The following TIAM2 variants were observed in gnomAD, a reference collection of about 807,000 sequenced individuals.
The protein encoded by TIAM2 is rho guanine nucleotide exchange factor TIAM2.
A neutral mutation model predicts 152.9 loss-of-function variants in TIAM2; 80 were observed. That is an observed-to-expected ratio of 0.52 (90% CI 0.44 to 0.63). The LOEUF (loss-of-function observed/expected upper bound fraction) is 0.63, where lower values mean the gene tolerates loss of function less well. Ranked by LOEUF, TIAM2 falls within the 30% of genes least tolerant of loss-of-function variation. The pLI is 0.00. For missense variants in TIAM2, 1,965 were observed against 2,120.1 expected, an observed-to-expected ratio of 0.93 and a Z score of 1.44; for synonymous variants, 804 against 838.0, an observed-to-expected ratio of 0.96 and a Z score of 0.70.
chr6:155,256,374 T>TATCA (rs1784025423), intron 26 of TIAM2, 110 bp from the exon 27 acceptor site: 9 of 1,483,718 alleles, frequency 6.1e-6, no homozygotes, highest in Non-Finnish European at 2.7e-6. Context: ...ACTGAAGTCA[T>TATCA]ATCATAAAAT....
intron 1 of TIAM2, among the ~76,000 whole-genome samples, chr6:155,008,171 T>G (rs1778429577): frequency 6.6e-6 from 1 of 152,234 alleles, no homozygotes; most frequent in Non-Finnish European, 1.5e-5. Context: ...TTTCAAGATA[T>G]AAAAGTACAT....
intron 1 of TIAM2, among the ~76,000 whole-genome samples, chr6:155,072,633 T>A (rs1428533394): frequency 2.0e-5 from 3 of 152,052 alleles, no homozygotes; most frequent in Admixed American, 2.0e-4. Context: ...AGGTGGTACA[T>A]CTGGTAGGTG....
rs866198595 is a variant in TIAM2, at chr6:155,029,410, A to C, written c.-209+33918A>C. On this transcript the variant is annotated intron_variant, in intron 1 of 26. Transcript: ENST00000682666. ...TTATATATATACTATAGTATATATA[A>C]TATATACTATATATACTATAGTATA... Among the ~76,000 whole-genome samples the C allele has an allele frequency of 2.6e-4, 22 of 83,196 alleles. 1 individual carries two copies. The highest frequency in any genetic ancestry group is 3.3e-4 in the African/African-American group (7 of 21,140). The allele number at this position is 83,196 out of a possible 152,430, so 54.6% of individuals were successfully genotyped here.
intron 3 of TIAM2, 55 bp downstream of exon 3, chr6:155,127,655 G>A: frequency 2.2e-6 from 1 of 451,820 alleles, no homozygotes; most frequent in Non-Finnish European, 4.4e-6. Context: ...CTGTGATTAA[G>A]GTAATAAGTA....
At chr6:155,210,477 C>G (rs1781693716) in intron 14 of TIAM2, among the ~76,000 whole-genome samples, 1 of 151,674 alleles carries the variant, frequency 6.6e-6, no homozygotes, top group Admixed American at 6.6e-5. Flanking sequence ...TACCACCATG[C>G]CTGATTGTGT....
chr6:155,217,294 A>G lies in TIAM2; in HGVS notation c.3168+5987A>G, dbSNP rs539538499. On this transcript the variant is annotated intron_variant, in intron 15 of 26. Transcript: ENST00000682666. ...CATGCTTTTTACAGCTAAGGATAAG[A>G]GAACTTCTTTTGGATACCCGTTCTG... Among the ~76,000 whole-genome samples, 71 of 152,336 alleles carry G rather than the reference A, an allele frequency of 4.7e-4. No individual in the cohort carries two copies. In the South Asian group the frequency reaches 0.015, roughly 32 times the overall value.
Position 155,253,054 on chromosome 6 carries a change from G to A in TIAM2, c.4225+1G>A. ...CAAGTCAGACTGGGGAATCCAGCAG[G>A]TAACTGTTTCGTGCAGTATGATGCC... On this transcript the variant is annotated splice_donor_variant, in intron 24 of 26. Transcript: ENST00000682666. LOFTEE classifies it high-confidence loss of function. 6.2e-7 allele frequency: 1 copy of A among 1,613,474 alleles called. No homozygotes were observed. Among genetic ancestry groups the A allele is most frequent in the Non-Finnish European group, 8.5e-7 (1 of 1,179,486 alleles).
rs767646643 is a variant in TIAM2, at chr6:155,240,621, C to T, written c.3260C>T (p.Pro1087Leu). 2.7e-5 allele frequency: 44 copies of T among 1,614,054 alleles called. No homozygotes were observed. Among genetic ancestry groups the T allele is most frequent in the South Asian group, 5.5e-5 (5 of 91,096 alleles). Residue 1087 changes from proline to leucine, a missense_variant, in exon 16 of 27, where the codon CCG (proline) becomes CTG (leucine). Transcript: ENST00000682666. The stretch of plus-strand genomic sequence containing the variant: ...CCGCGGGAGAATCAGGATCCTCCTC[C>T]GAGGTCTCTGGCCCGCCACCTGTCT... ...EGPRENQDPP[P>L]RSLARHLSDA...
chr6:155,256,360 G>GCTAA (rs1784024205), intron 26 of TIAM2, 124 bp from the exon 27 acceptor site: 3 of 1,404,908 alleles, frequency 2.1e-6, no homozygotes, highest in South Asian at 2.8e-5. Flanking sequence ...CAGGATAGTT[G>GCTAA]CTAACTGAAG....
At chr6:155,050,253 T>A (rs973812293) in intron 1 of TIAM2, among the ~76,000 whole-genome samples, 3 of 152,160 alleles carry the variant, frequency 2.0e-5, no homozygotes, top group African/African-American at 4.8e-5. Context: ...GCTGGTCTCG[T>A]GACCTCAAGT....
rs1039009966 is a variant in TIAM2, at chr6:155,213,818, C to T, written c.3168+2511C>T. On this transcript the variant is annotated intron_variant, in intron 15 of 26. Transcript: ENST00000682666. This position sits in a 1 kb window ranked among gnomAD's most constrained non-coding sequence, Gnocchi z 4.2. The stretch of plus-strand genomic sequence containing the variant: ...GTACAGCAGGGGGCTGGCATGTCAG[C>T]GCTGCCCTGAACGTGTCCACACATG... Among the ~76,000 whole-genome samples the T allele has an allele frequency of 6.6e-5, 10 of 152,328 alleles. No homozygotes were observed. Among genetic ancestry groups the T allele is most frequent in the East Asian group, 5.8e-4 (3 of 5,174 alleles).
intron 9 of TIAM2, among the ~76,000 whole-genome samples, chr6:155,169,844 A>C (rs6917640): frequency 4.6e-5 from 7 of 151,310 alleles, no homozygotes; most frequent in African/African-American, 1.7e-4. Flanking sequence ...TTTCAGATGG[A>C]GTCTCACTCT....
At position 154,997,605 on chromosome 6, in the gene TIAM2, C is replaced by T. The variant is rs34656449; in HGVS notation, c.-209+2113C>T. Among the ~76,000 whole-genome samples, 82 of 149,002 alleles carry T rather than the reference C, an allele frequency of 5.5e-4. No homozygotes were observed. In the South Asian group the frequency reaches 0.012, roughly 22 times the overall value. Reference sequence around the variant, plus strand: ...GAGCTCAGTTAAGGTTCCTAGGTTCCGTGAACGAGTGAAGAAAGAATGGAT... The same window carrying T: ...GAGCTCAGTTAAGGTTCCTAGGTTCTGTGAACGAGTGAAGAAAGAATGGAT... On this transcript the variant is annotated intron_variant, in intron 1 of 26. Transcript: ENST00000682666.
At chr6:155,152,994 C>G (rs894106610) in intron 7 of TIAM2, among the ~76,000 whole-genome samples, 1 of 151,930 alleles carries the variant, frequency 6.6e-6, no homozygotes, top group Non-Finnish European at 1.5e-5. Flanking sequence ...GAACATAAAC[C>G]CTTACATAAA....
intron 7 of TIAM2, among the ~76,000 whole-genome samples, chr6:155,150,786 TGAG>T (rs1341057533): frequency 6.6e-6 from 1 of 152,096 alleles, no homozygotes. Flanking sequence ...TAGCATGACA[TGAG>T]GAGCGAGGGA....
rs189430669 is a variant in TIAM2 at position 155,065,130 on chromosome 6, T to G, written c.-208-25159T>G. 4.6e-5 allele frequency among the ~76,000 whole-genome samples: 7 copies of G among 152,214 alleles called. No homozygotes were observed. The East Asian group carries it at 1.4e-3, about 30-fold the overall frequency. On this transcript the variant is annotated intron_variant, in intron 1 of 26. Coordinates refer to ENST00000682666, the MANE Select transcript of TIAM2 (RefSeq NM_012454.4). ...CACCACGCCCGGCTGATTTTTGTAC[T>G]CTTAGTAGAGATGGGGTTTCACCGT...
chr6:155,179,565 T>C, intron 12 of TIAM2, 109 bp downstream of exon 12: 2 of 946,964 alleles, frequency 2.1e-6, no homozygotes, highest in Non-Finnish European at 3.2e-6. Flanking sequence ...ATTTTCAGAA[T>C]ATATGACAGT....
Position 155,182,305 on chromosome 6 carries a change from G to A in TIAM2, c.2787G>A (p.Leu929=), listed in dbSNP as rs764528830. Reference sequence around the variant, plus strand: ...TAAGCGACGTTCTTCCCGATGGCCTGGCGTATGGGGAAGGTCCGTGTGGCA... The same window carrying A: ...TAAGCGACGTTCTTCCCGATGGCCTAGCGTATGGGGAAGGTCCGTGTGGCA... ...IFISDVLPDG[L]AYGEGLRKGN... is the part of the protein sequence containing the mutation. The change falls in exon 13 of 27, where the codon CTG becomes CTA. Residue 929 remains leucine, a synonymous_variant. Transcript: ENST00000682666. The A allele has an allele frequency of 2.5e-6, 4 of 1,614,088 alleles. No individual in the cohort carries two copies. In the East Asian group the frequency reaches 8.9e-5, roughly 36 times the overall value.
At chr6:155,161,931 A>G (rs1780283623) in intron 7 of TIAM2, among the ~76,000 whole-genome samples, 1 of 151,822 alleles carries the variant, frequency 6.6e-6, no homozygotes, top group African/African-American at 2.4e-5. Context: ...ACCTTCTGGT[A>G]TCCAGTGACT....
Sources: gnomAD v4.1 joint callset for allele counts (sites outside exome capture counted in the v4.1 genomes callset) on GRCh38, gnomAD v4.1.1 for gene constraint, Gnocchi (gnomAD v3.1) non-coding constraint, MANE v1.5 for transcripts, NCBI Gene and HGNC (gene_info 2026-07-23, HGNC 2026-07-21) for gene names.